Variants in CDKAL1 observed in about 807,000 individuals in gnomAD.
The protein encoded by CDKAL1 is threonylcarbamoyladenosine tRNA methylthiotransferase.
In CDKAL1, 32 loss-of-function variants were observed where a neutral mutation model predicts 68.2. The observed-to-expected ratio is 0.47, with a 90% CI of 0.35 to 0.63. The LOEUF (loss-of-function observed/expected upper bound fraction) is 0.63. Ranked by LOEUF, CDKAL1 falls within the 30% of genes least tolerant of loss-of-function variation. The pLI is 0.00. For synonymous variants in CDKAL1, 234 were observed against 244.3 expected (o/e 0.96, Z 0.39); for missense variants, 606 against 696.7 (o/e 0.87, Z 1.47).
intron 4 of CDKAL1, among the ~76,000 whole-genome samples, chr6:20,574,117 A>G (rs1363179018): frequency 6.6e-6 from 1 of 152,166 alleles, no homozygotes; most frequent in Admixed American, 6.6e-5. Context: ...TTTTGTCCTC[A>G]TGGATTGTTT....
chr6:20,973,381 C>G (rs1227176962), intron 10 of CDKAL1, among the ~76,000 whole-genome samples: 1 of 152,112 alleles, frequency 6.6e-6, no homozygotes, highest in Non-Finnish European at 1.5e-5. Context: ...AAGCCAAAGT[C>G]AAAAGTACCT....
At chr6:21,225,324 C>T (rs1296755278) in intron 15 of CDKAL1, among the ~76,000 whole-genome samples, 7 of 152,108 alleles carry the variant, frequency 4.6e-5, no homozygotes, top group African/African-American at 7.2e-5. Flanking sequence ...TGCACTCCAC[C>T]GGCTTTACCA....
chr6:20,756,137 A>G (rs1774160263), intron 6 of CDKAL1: 1 of 152,130 alleles, frequency 6.6e-6, no homozygotes, highest in Non-Finnish European at 1.5e-5. Context: ...CTTCCTGAAG[A>G]TCATTGCTCC....
At chr6:21,227,786 C>A (rs1359207819) in intron 15 of CDKAL1, among the ~76,000 whole-genome samples, 1 of 152,190 alleles carries the variant, frequency 6.6e-6, no homozygotes, top group Non-Finnish European at 1.5e-5. Flanking sequence ...CTTAACATGA[C>A]CACAAATAAT....
At chr6:20,717,778 G>A (rs1298852568) in intron 5 of CDKAL1, among the ~76,000 whole-genome samples, 1 of 152,140 alleles carries the variant, frequency 6.6e-6, no homozygotes, top group Non-Finnish European at 1.5e-5. Flanking sequence ...TAGGGCATAA[G>A]TCAGGAGCCC....
At chr6:20,744,563 G>A (rs995121430) in intron 6 of CDKAL1, among the ~76,000 whole-genome samples, 17 of 152,166 alleles carry the variant, frequency 1.1e-4, no homozygotes, top group African/African-American at 3.9e-4. Context: ...GGAGAATCTA[G>A]TGAGATGGGT....
chr6:20,607,684 GCTTTTTT>G lies in CDKAL1; in HGVS notation c.287-41594_287-41588del, dbSNP rs1018317961. ...ATTAAGAATGTAAAATAATGAGATAGCTTTTTTCTTTTTTCTTTTTTTTTTCTTTTGA... is the reference window on the plus strand; with the variant it reads ...ATTAAGAATGTAAAATAATGAGATAGCTTTTTTCTTTTTTTTTTCTTTTGA... On this transcript the variant is annotated intron_variant, in intron 4 of 15. Coordinates refer to ENST00000274695, the MANE Select transcript of CDKAL1 (RefSeq NM_017774.3). Among the ~76,000 whole-genome samples the G allele has an allele frequency of 6.6e-5, 10 of 151,530 alleles. No homozygotes were observed. In the East Asian group the frequency reaches 7.7e-4, roughly 12 times the overall value.
intron 5 of CDKAL1, among the ~76,000 whole-genome samples, chr6:20,681,287 T>C (rs1181141372): frequency 6.6e-6 from 1 of 152,242 alleles, no homozygotes; most frequent in Non-Finnish European, 1.5e-5. Context: ...GCAACAGTCA[T>C]ATGTATGCTT....
At chr6:20,717,489 G>A (rs972206377) in intron 5 of CDKAL1, among the ~76,000 whole-genome samples, 1 of 151,790 alleles carries the variant, frequency 6.6e-6, no homozygotes, top group African/African-American at 2.4e-5. Context: ...CTAATATGTT[G>A]ATACAGAACA....
chr6:20,585,057 C>CTTTTT (rs11385529), intron 4 of CDKAL1, among the ~76,000 whole-genome samples: 2 of 131,660 alleles, frequency 1.5e-5, no homozygotes, highest in Admixed American at 7.8e-5. Context: ...AATCTTGTTT[C>CTTTTT]TTTTTTTTTT....
chr6:20,722,006 C>T (rs1024853841), intron 5 of CDKAL1, among the ~76,000 whole-genome samples: 3 of 152,064 alleles, frequency 2.0e-5, no homozygotes, highest in Admixed American at 6.5e-5. Context: ...GCTGGGATTA[C>T]AGGCGTGAGC....
At chr6:20,610,448 T>A (rs1163864628) in intron 4 of CDKAL1, among the ~76,000 whole-genome samples, 2 of 152,206 alleles carry the variant, frequency 1.3e-5, no homozygotes, top group Non-Finnish European at 2.9e-5. Context: ...ATCTGTTATT[T>A]TTTGACTTTA....
At chr6:20,560,564 A>G in intron 4 of CDKAL1, among the ~76,000 whole-genome samples, 1 of 152,214 alleles carries the variant, frequency 6.6e-6, no homozygotes, top group African/African-American at 2.4e-5. Context: ...ATACTCACTA[A>G]AAACTAACCT....
At chr6:20,781,830 A>G (rs1230204551) in intron 8 of CDKAL1, among the ~76,000 whole-genome samples, 1 of 152,066 alleles carries the variant, frequency 6.6e-6, no homozygotes, top group African/African-American at 2.4e-5. Context: ...CATTTATTGA[A>G]TTTTTGCATT....
chr6:20,933,433 A>T (rs1258256571), intron 9 of CDKAL1, among the ~76,000 whole-genome samples: 2 of 152,254 alleles, frequency 1.3e-5, no homozygotes, highest in Admixed American at 1.3e-4. Flanking sequence ...GTTATTAACT[A>T]AAAGGAGAGA....
chr6:20,883,527 C>T (rs114984616), intron 9 of CDKAL1, among the ~76,000 whole-genome samples: 6 of 152,244 alleles, frequency 3.9e-5, no homozygotes, highest in Admixed American at 6.5e-5. Flanking sequence ...AGAATGACTG[C>T]GCAACCGAAT....
chr6:20,963,642 T>C (rs1373218074), intron 10 of CDKAL1, among the ~76,000 whole-genome samples: 1 of 152,238 alleles, frequency 6.6e-6, no homozygotes, highest in Non-Finnish European at 1.5e-5. Flanking sequence ...TTTATCCTTA[T>C]TGTGCCAGGT....
intron 12 of CDKAL1, among the ~76,000 whole-genome samples, chr6:21,069,178 A>G (rs1047547947): frequency 3.3e-5 from 5 of 152,102 alleles, no homozygotes; most frequent in Admixed American, 3.3e-4. Context: ...TTATCTTACT[A>G]TACTGGCAAG....
intron 4 of CDKAL1, among the ~76,000 whole-genome samples, chr6:20,565,724 G>A (rs1299811178): frequency 6.6e-6 from 1 of 152,052 alleles, no homozygotes; most frequent in Non-Finnish European, 1.5e-5. Context: ...ATTTGACAGT[G>A]GTTCTGTGAG....
Sources: gnomAD v4.1 joint callset for allele counts (sites outside exome capture counted in the v4.1 genomes callset) on GRCh38, gnomAD v4.1.1 for gene constraint, MANE v1.5 for transcripts, NCBI Gene and HGNC (gene_info 2026-07-23, HGNC 2026-07-21) for gene names.